Variants in EVL observed in about 807,000 individuals in gnomAD.
EVL encodes the protein ena/VASP-like protein.
Under a neutral mutation model 59.6 loss-of-function variants are expected in EVL, and 21 were observed. That is an observed-to-expected ratio of 0.35 (90% CI 0.25 to 0.51). The LOEUF (loss-of-function observed/expected upper bound fraction) is 0.51. EVL is among the 20% of genes least tolerant of loss of function. EVL has a pLI of 0.97. For missense variants in EVL, 462 were observed against 546.6 expected (o/e 0.85, Z 1.54); for synonymous variants, 198 against 203.5 (o/e 0.97, Z 0.23).
intron 1 of EVL, among the ~76,000 whole-genome samples, chr14:100,043,406 C>G (rs2061497987): frequency 7.1e-6 from 1 of 141,362 alleles, no homozygotes; most frequent in African/African-American, 2.6e-5. Context: ...CGTCTGCACG[C>G]TGGAGACCCA....
chr14:99,986,489 A>G (rs571899565), intron 1 of EVL, among the ~76,000 whole-genome samples: 1 of 152,244 alleles, frequency 6.6e-6, no homozygotes, highest in African/African-American at 2.4e-5. Flanking sequence ...TAGTGTCCCA[A>G]TTAGAGGAGC....
At chr14:100,119,627 A>G (rs1435936615) in intron 3 of EVL, among the ~76,000 whole-genome samples, 1 of 152,274 alleles carries the variant, frequency 6.6e-6, no homozygotes, top group African/African-American at 2.4e-5. Flanking sequence ...AGAAAGATCA[A>G]CAGTGTGCTT....
chr14:100,106,479 A>G (rs1043344375), intron 3 of EVL: 5 of 166,820 alleles, frequency 3.0e-5, no homozygotes, highest in African/African-American at 9.5e-5. Context: ...GTCTGTGGGT[A>G]GGTGCAAGCG....
chr14:100,128,637 T>G lies in EVL; in HGVS notation c.606T>G (p.Pro202=). 1.2e-5 allele frequency: 8 copies of G among 670,616 alleles called. No homozygotes were observed. Among genetic ancestry groups the G allele is most frequent in the South Asian group, 2.4e-5 (1 of 41,102 alleles). 41.5% of individuals were successfully genotyped at this position (670,616 alleles called of 1,614,324 possible). The change falls in exon 6 of 14, where the codon CCT becomes CCG. Residue 202 remains proline (P), a synonymous_variant. Coordinates refer to ENST00000392920, the MANE Select transcript of EVL (RefSeq NM_016337.3). ...CTCCACCCACTGGGGCTACCCCACC[T>G]CCCCCACCCCCACTGCCAGCCGGAG... ...VPPPPTGATP[P]PPPPLPAGGA...
upstream of EVL, among the ~76,000 whole-genome samples, chr14:100,064,637 G>A (rs946978615): frequency 3.9e-5 from 6 of 152,212 alleles, no homozygotes; most frequent in African/African-American, 9.7e-5. Context: ...GTGGCCTGGC[G>A]CGGTGGCTCA....
chr14:99,984,853 T>C (rs2060830394), intron 1 of EVL, among the ~76,000 whole-genome samples: 1 of 152,144 alleles, frequency 6.6e-6, no homozygotes, highest in Non-Finnish European at 1.5e-5. Flanking sequence ...TGACCTCAGG[T>C]GATCCACCCA....
intron 1 of EVL, among the ~76,000 whole-genome samples, chr14:99,997,985 T>C (rs565413294): frequency 6.6e-6 from 1 of 152,282 alleles, no homozygotes; most frequent in South Asian, 2.1e-4. Flanking sequence ...GTTCCTTCAT[T>C]CATTCAACAA....
chr14:100,117,191 C>T (rs1887402562), intron 3 of EVL, among the ~76,000 whole-genome samples: 1 of 152,228 alleles, frequency 6.6e-6, no homozygotes, highest in South Asian at 2.1e-4. Flanking sequence ...CCCACCCCAG[C>T]TAGGGCCTCG....
At chr14:99,986,211 G>C (rs2060839056) in intron 1 of EVL, among the ~76,000 whole-genome samples, 1 of 149,046 alleles carries the variant, frequency 6.7e-6, no homozygotes, top group African/African-American at 2.5e-5. Flanking sequence ...AGAATCGCTT[G>C]AACCTGGGAG....
chr14:100,050,317 C>CT (rs1310127111), intron 1 of EVL, among the ~76,000 whole-genome samples: 15 of 150,770 alleles, frequency 9.9e-5, no homozygotes, highest in African/African-American at 3.7e-4. Context: ...CGTGTCCTTG[C>CT]TTTTTTAAAA....
chr14:100,013,305 T>C (rs1031303374), intron 1 of EVL, among the ~76,000 whole-genome samples: 2 of 152,224 alleles, frequency 1.3e-5, no homozygotes, highest in Non-Finnish European at 1.5e-5. Flanking sequence ...TAGAGATCAG[T>C]TGAGACTGGT....
chr14:100,121,754 C>A (rs1887713356), intron 3 of EVL, among the ~76,000 whole-genome samples: 1 of 152,200 alleles, frequency 6.6e-6, no homozygotes, highest in Non-Finnish European at 1.5e-5. Context: ...TGTGTGTGGG[C>A]AGCTGGCTGC....
At chr14:100,097,760 A>G in intron 3 of EVL, 102 bp downstream of exon 3, 1 of 1,126,552 alleles carries the variant, frequency 8.9e-7, no homozygotes, top group Non-Finnish European at 1.3e-6. Context: ...CTGTCACTGC[A>G]TTGAGCTGAG....
Position 100,051,538 on chromosome 14 carries a change from CTT to C in EVL, c.6-33146_6-33145del, listed in dbSNP as rs140239806. Among the ~76,000 whole-genome samples, 1,305 of 152,272 alleles carry C rather than the reference CTT, an allele frequency of 8.6e-3. 25 individuals are homozygous for C. Among genetic ancestry groups the C allele is most frequent in the African/African-American group, 0.03 (1,232 of 41,546 alleles). On this transcript the variant is annotated intron_variant, in intron 1 of 13. Coordinates refer to the EVL transcript ENST00000402714. ...CTTTTTACTTATAACAGCATTATAA[CTT>C]TTCCATTTCTTTATTTTCAGTCTTG...
intron 1 of EVL, among the ~76,000 whole-genome samples, chr14:100,025,760 TAAAATAC>T (rs2061199565): frequency 1.3e-5 from 2 of 151,816 alleles, no homozygotes; most frequent in African/African-American, 4.8e-5. Context: ...AAACCCCTAC[TAAAATAC>T]AAAATACAAA....
At chr14:100,038,166 A>C (rs1166538417) in intron 1 of EVL, among the ~76,000 whole-genome samples, 1 of 152,236 alleles carries the variant, frequency 6.6e-6, no homozygotes, top group Non-Finnish European at 1.5e-5. Flanking sequence ...AGTGCCTGGC[A>C]ACCAGCTCTG....
At chr14:100,097,705 C>A in intron 3 of EVL, 47 bp downstream of exon 3, 1 of 1,537,406 alleles carries the variant, frequency 6.5e-7, no homozygotes, top group South Asian at 1.3e-5. Flanking sequence ...CTCTCTTGTT[C>A]TACCTCTGCC....
chr14:100,077,641 C>T (rs1028235338), intron 1 of EVL, among the ~76,000 whole-genome samples: 1 of 152,182 alleles, frequency 6.6e-6, no homozygotes, highest in African/African-American at 2.4e-5. Flanking sequence ...TGCCTAGAAC[C>T]AGCAAACGTG....
intron 1 of EVL, among the ~76,000 whole-genome samples, chr14:100,051,678 A>G (rs575856999): frequency 1.3e-5 from 2 of 152,218 alleles, no homozygotes; most frequent in East Asian, 3.9e-4. Context: ...TGTTTATGGT[A>G]TGGTCATTAC....
Sources: allele counts gnomAD v4.1 joint callset (sites outside exome capture counted in the v4.1 genomes callset), GRCh38; gene constraint gnomAD v4.1.1; transcripts MANE v1.5; gene names NCBI Gene and HGNC (gene_info 2026-07-23, HGNC 2026-07-21).